Variants in FBXL2 observed in about 807,000 individuals in gnomAD.
FBXL2 encodes the protein F-box and leucine rich repeat protein 2, also known as F-box/LRR-repeat protein 2.
Under a neutral mutation model 69.2 loss-of-function variants are expected in FBXL2, and 38 were observed. That is an observed-to-expected ratio of 0.55 (90% CI 0.42 to 0.72). FBXL2 has a LOEUF of 0.72. FBXL2 is among the 30% of genes least tolerant of loss of function. The pLI is 0.00. For synonymous variants in FBXL2, 192 were observed against 201.3 expected, an observed-to-expected ratio of 0.95 and a Z score of 0.39; for missense variants, 354 against 520.3, an observed-to-expected ratio of 0.68 and a Z score of 3.11.
rs6777744 is a variant in FBXL2 at position 33,346,519 on chromosome 3, A to G, written c.66-12448A>G. Among the ~76,000 whole-genome samples the G allele has an allele frequency of 1.9e-3, 295 of 152,264 alleles. 1 individual carries two copies. The highest frequency in any genetic ancestry group is 6.9e-3 in the African/African-American group (285 of 41,564). ...GGTTACAGTGAGCTATGATCACCCC[A>G]CTGTACTCCATCCTGGGTGACATAG... On this transcript the variant is annotated intron_variant, in intron 2 of 14. Coordinates refer to ENST00000484457, the MANE Select transcript of FBXL2 (RefSeq NM_012157.5).
chr3:33,336,805 T>A (rs770823923), intron 2 of FBXL2, among the ~76,000 whole-genome samples: 1 of 151,804 alleles, frequency 6.6e-6, no homozygotes, highest in Non-Finnish European at 1.5e-5. Flanking sequence ...CTCAGGAGGG[T>A]GAGGCAGGGG....
chr3:33,407,100 C>T (rs995641056), downstream of FBXL2, among the ~76,000 whole-genome samples: 1 of 152,178 alleles, frequency 6.6e-6, no homozygotes, highest in African/African-American at 2.4e-5. Flanking sequence ...AAGTGACAAT[C>T]TGTACCCTGC....
intron 4 of FBXL2, among the ~76,000 whole-genome samples, chr3:33,361,333 G>A (rs560423539): frequency 1.3e-5 from 2 of 151,716 alleles, no homozygotes; most frequent in African/African-American, 2.4e-5. Flanking sequence ...GCAAAACTGC[G>A]TCTCTACAAA....
the FBXL2 span, among the ~76,000 whole-genome samples, chr3:33,415,295 T>C: frequency 1.3e-5 from 2 of 152,378 alleles, no homozygotes; most frequent in East Asian, 1.9e-4. Flanking sequence ...AATGCCTTGA[T>C]GGACACTGAA....
chr3:33,333,668 A>T (rs188628752), intron 2 of FBXL2, among the ~76,000 whole-genome samples: 1 of 152,198 alleles, frequency 6.6e-6, no homozygotes, highest in Non-Finnish European at 1.5e-5. Context: ...GTGCCTGGTC[A>T]TGGTACAAGT....
intron 2 of FBXL2, among the ~76,000 whole-genome samples, chr3:33,345,193 G>C (rs778118318): frequency 7.2e-5 from 11 of 152,164 alleles, no homozygotes; most frequent in Non-Finnish European, 1.5e-4. Context: ...CCCTCTGAAG[G>C]CTCTAGGGGA....
At chr3:33,408,079 C>T (rs779368833), downstream of FBXL2, among the ~76,000 whole-genome samples, 61 of 152,082 alleles carry the variant, frequency 4.0e-4, no homozygotes, top group Non-Finnish European at 6.3e-4. Context: ...CATTAATTCA[C>T]AATGCAACTG....
chr3:33,357,509 T>C (rs1446347940), intron 2 of FBXL2, among the ~76,000 whole-genome samples: 2 of 150,774 alleles, frequency 1.3e-5, no homozygotes, highest in East Asian at 2.0e-4. Flanking sequence ...AGCATTTTTC[T>C]ATGTACAAAG....
intron 2 of FBXL2, among the ~76,000 whole-genome samples, chr3:33,349,949 G>C (rs920488913): frequency 6.6e-6 from 1 of 152,072 alleles, no homozygotes; most frequent in Non-Finnish European, 1.5e-5. Context: ...GGTTTTACTG[G>C]TGAATTCTAC....
intron 10 of FBXL2, 47 bp downstream of exon 10, chr3:33,375,465 TTAAC>T: frequency 3.1e-6 from 5 of 1,596,148 alleles, no homozygotes; most frequent in Non-Finnish European, 4.3e-6. Flanking sequence ...TTTGGCTGAG[TTAAC>T]CAAGAGGGCT....
intron 12 of FBXL2, among the ~76,000 whole-genome samples, chr3:33,395,768 A>G (rs1200269669): frequency 3.4e-4 from 51 of 150,196 alleles, no homozygotes; most frequent in Non-Finnish European, 5.8e-4. Flanking sequence ...AAAAAAAAAA[A>G]AAAAAGAAAA....
intron 2 of FBXL2, among the ~76,000 whole-genome samples, chr3:33,329,216 A>G (rs2038961767): frequency 6.6e-6 from 1 of 152,222 alleles, no homozygotes; most frequent in Admixed American, 6.5e-5. Flanking sequence ...TCAATGAGGT[A>G]TCACCTCACC....
chr3:33,340,895 CAAAAAAA>C (rs67092664), intron 2 of FBXL2, among the ~76,000 whole-genome samples: 4 of 86,590 alleles, frequency 4.6e-5, no homozygotes, highest in African/African-American at 1.8e-4. Flanking sequence ...TTCCTTTGCC[CAAAAAAA>C]AAAAAAAAAA....
intron 12 of FBXL2, among the ~76,000 whole-genome samples, chr3:33,395,527 G>A (rs995259209): frequency 2.0e-5 from 3 of 151,796 alleles, no homozygotes; most frequent in African/African-American, 2.4e-5. Flanking sequence ...GCACTATACC[G>A]TACAATTAAA....
intron 1 of FBXL2, among the ~76,000 whole-genome samples, chr3:33,294,620 G>A (rs765206874): frequency 3.9e-5 from 6 of 152,054 alleles, no homozygotes; most frequent in Admixed American, 6.6e-5. Context: ...AGAAGGATCA[G>A]TTGAGCCCAG....
rs2043207809 is a variant in FBXL2, at chr3:33,383,646, T to TA, written c.952-343_952-342insA. ...CAAGGGGGTAAACTGAAATCTCCCC[T>TA]GAAGATTTTATTTCCATCTTTACAC... is the stretch of plus-strand genomic sequence containing the variant. On this transcript the variant is annotated intron_variant, in intron 13 of 14. Coordinates refer to ENST00000484457, the MANE Select transcript of FBXL2 (RefSeq NM_012157.5). 6.9e-5 allele frequency: 18 copies of TA among 260,868 alleles called. 1 individual carries two copies. In the South Asian group the frequency reaches 9.0e-4, roughly 13 times the overall value. 16.2% of individuals were successfully genotyped at this position (260,868 alleles called of 1,614,324 possible).
At chr3:33,282,553 C>T (rs1367599549) in intron 1 of FBXL2, among the ~76,000 whole-genome samples, 1 of 152,042 alleles carries the variant, frequency 6.6e-6, no homozygotes, top group Non-Finnish European at 1.5e-5. Context: ...TCCATATAAA[C>T]TTTAAAGTAG....
intron 2 of FBXL2, among the ~76,000 whole-genome samples, chr3:33,298,919 T>A (rs1489619456): frequency 6.6e-6 from 1 of 151,986 alleles, no homozygotes; most frequent in Non-Finnish European, 1.5e-5. Flanking sequence ...TAACAAAACC[T>A]ATAGGACTTC....
chr3:33,361,059 G>A (rs1205188960), intron 4 of FBXL2, among the ~76,000 whole-genome samples: 1 of 142,614 alleles, frequency 7.0e-6, no homozygotes, highest in Non-Finnish European at 1.5e-5. Context: ...AGCCTCCCAT[G>A]TAGCTGGGAC....
Sources: allele counts gnomAD v4.1 joint callset (sites outside exome capture counted in the v4.1 genomes callset), GRCh38; gene constraint gnomAD v4.1.1; transcripts MANE v1.5; gene names NCBI Gene and HGNC (gene_info 2026-07-23, HGNC 2026-07-21).